The following EXD2 variants were observed in gnomAD, a reference collection of about 807,000 sequenced individuals.
EXD2 encodes exonuclease 3'-5' domain containing 2, also known as exonuclease 3'-5' domain-containing protein 2.
EXD2 carries 40 observed loss-of-function variants against 62.5 expected under a neutral mutation model. The observed-to-expected ratio is 0.64, with a 90% confidence interval of 0.50 to 0.83. The LOEUF is 0.83. Among genes scored for constraint, EXD2 ranks in the 40% least tolerant of loss-of-function variants. The pLI is 0.00. For missense variants in EXD2, 671 were observed against 761.8 expected (o/e 0.88, Z 1.40); for synonymous variants, 239 against 291.9 (o/e 0.82, Z 1.85).
In EXD2 at chr14:69,234,788, A is replaced by G; in HGVS notation, c.806A>G (p.Glu269Gly). The change falls in exon 6 of 10, where the codon GAA (glutamate) becomes GGA (glycine). Residue 269 changes from glutamate to glycine, a missense_variant. Physicochemically the swap from Glu to Gly is moderately conservative, Grantham distance 98. Transcript: ENST00000685843. ...GYPFSRNSPG[E>G]KNDDHSSWRK... ...CCTTTCTCTAGGAATTCACCTGGAG[A>G]AAAAAACGATGACCACAGTAGCTGG... 6.2e-7 allele frequency: 1 copy of G among 1,614,054 alleles called. No individual in the cohort carries two copies. The highest frequency in any genetic ancestry group is 1.1e-5 in the South Asian group (1 of 91,064).
At chr14:69,228,378 G>GA (rs2043440786) in intron 3 of EXD2, among the ~76,000 whole-genome samples, 1 of 152,042 alleles carries the variant, frequency 6.6e-6, no homozygotes. Flanking sequence ...TTTTGGTAGA[G>GA]ACGGGGTTTC....
chr14:69,192,849 A>G (rs1362717342), intron 1 of EXD2, among the ~76,000 whole-genome samples: 1 of 152,104 alleles, frequency 6.6e-6, no homozygotes, highest in Non-Finnish European at 1.5e-5. Context: ...TTCCATGGTT[A>G]TGTAAGATTC....
In EXD2 at chr14:69,242,946, G is replaced by C. The variant is rs1389257165; in HGVS notation, c.*1846G>C. 6.6e-6 allele frequency: 1 copy of C among 152,192 alleles called. No individual in the cohort carries two copies. The highest frequency in any genetic ancestry group is 1.5e-5 in the Non-Finnish European group (1 of 68,026). 9.4% of individuals were successfully genotyped at this position (152,192 alleles called of 1,614,324 possible). A position where few individuals can be genotyped will look rare whatever the true frequency, so the allele number is the denominator to read the frequency against. ...TCCTTTGAAACAAGGGAGTAGGGCT[G>C]TTTCATTTTCTTTCCTTCTAATCCT... On this transcript the variant is annotated 3_prime_UTR_variant, in exon 10 of 10. Coordinates refer to ENST00000685843, the MANE Select transcript of EXD2 (RefSeq NM_001193360.2).
At position 69,241,843 on chromosome 14, in the gene EXD2, C is replaced by T. The variant is rs1434165144; in HGVS notation, c.*743C>T. On this transcript the variant is annotated 3_prime_UTR_variant, in exon 10 of 10. Coordinates refer to ENST00000685843, the MANE Select transcript of EXD2 (RefSeq NM_001193360.2). Reference sequence around the variant, plus strand: ...TCCCAATAGAACTTTGAAATTCACTCAGCTTTTCCTTTCATGCTGTTTGTT... The same window carrying T: ...TCCCAATAGAACTTTGAAATTCACTTAGCTTTTCCTTTCATGCTGTTTGTT... 5.0e-6 allele frequency: 2 copies of T among 398,948 alleles called. No homozygotes were observed. The highest frequency in any genetic ancestry group is 3.6e-5 in the East Asian group (1 of 28,088). 24.7% of individuals were successfully genotyped at this position (398,948 alleles called of 1,614,324 possible).
chr14:69,199,192 C>T lies in EXD2; in HGVS notation c.-131-4725C>T, dbSNP rs139107807. On this transcript the variant is annotated intron_variant, in intron 1 of 9. Coordinates refer to ENST00000685843, the MANE Select transcript of EXD2 (RefSeq NM_001193360.2). ...TTGGGAGGCAGAGTTTGCAGTGAGC[C>T]GAGATCACGCCACTGCACACCAGCC... is the stretch of plus-strand genomic sequence containing the variant. Among the ~76,000 whole-genome samples, 1,030 of 152,262 alleles carry T rather than the reference C, an allele frequency of 6.8e-3. 12 individuals are homozygous for T. Among genetic ancestry groups the T allele is most frequent in the African/African-American group, 0.024 (984 of 41,542 alleles).
chr14:69,206,212 C>G (rs534877052), intron 2 of EXD2, among the ~76,000 whole-genome samples: 1 of 152,070 alleles, frequency 6.6e-6, no homozygotes, highest in African/African-American at 2.4e-5. Context: ...TGAGCCACTG[C>G]ACCCAGCTGA....
chr14:69,221,724 T>A lies in EXD2; in HGVS notation c.334-7092T>A, dbSNP rs554692048. On this transcript the variant is annotated intron_variant, in intron 3 of 9. Coordinates refer to ENST00000685843, the MANE Select transcript of EXD2 (RefSeq NM_001193360.2). ...TCAAGGCTGCAGTGAGCTATGATCA[T>A]GCCACTGCACTACAGCCTGGGCAGC... 1.4e-3 allele frequency among the ~76,000 whole-genome samples: 213 copies of A among 151,936 alleles called. 5 individuals are homozygous for A. The South Asian group carries it at 0.028, about 20-fold the overall frequency.
intron 1 of EXD2, among the ~76,000 whole-genome samples, chr14:69,198,731 A>G (rs1045965911): frequency 2.0e-5 from 3 of 152,238 alleles, no homozygotes; most frequent in Non-Finnish European, 2.9e-5. Flanking sequence ...GTTCTGTGAA[A>G]TGTGTCATTT....
At chr14:69,204,125 A>G (rs1241714355) in intron 2 of EXD2, 125 bp downstream of exon 2, 8 of 152,238 alleles carry the variant, frequency 5.3e-5, no homozygotes, top group African/African-American at 1.9e-4. Context: ...GATTTATTCC[A>G]AGAATATGAT....
intron 3 of EXD2, among the ~76,000 whole-genome samples, chr14:69,226,161 CT>C (rs1206863971): frequency 6.6e-6 from 1 of 152,120 alleles, no homozygotes; most frequent in Admixed American, 6.5e-5. Flanking sequence ...AGATTTATAG[CT>C]TTTTCTTGGA....
At chr14:69,238,058 G>C in intron 9 of EXD2, 127 bp downstream of exon 9, 1 of 762,824 alleles carries the variant, frequency 1.3e-6, no homozygotes, top group Non-Finnish European at 2.1e-6. Context: ...CACCTAGTAG[G>C]TGTCTAGTAG....
intron 3 of EXD2, chr14:69,210,319 A>C (rs958397373): frequency 6.5e-6 from 1 of 154,798 alleles, no homozygotes; most frequent in African/African-American, 2.4e-5. Context: ...TTAGGATTTT[A>C]AAAGATAACA....
intron 5 of EXD2, among the ~76,000 whole-genome samples, chr14:69,234,147 C>G (rs1291645868): frequency 2.0e-5 from 3 of 152,130 alleles, no homozygotes; most frequent in Non-Finnish European, 4.4e-5. Flanking sequence ...TAAGTAAATT[C>G]CAGGAATGGG....
Position 69,193,207 on chromosome 14 carries a change from C to T in EXD2, c.-132+1616C>T, listed in dbSNP as rs1044224480. Among the ~76,000 whole-genome samples, 8 of 151,986 alleles carry T rather than the reference C, an allele frequency of 5.3e-5. No individual in the cohort carries two copies. The East Asian group carries it at 5.8e-4, about 11-fold the overall frequency. The stretch of plus-strand genomic sequence containing the variant: ...CCGAGTAGCTGGTATTACAGGCACC[C>T]GCTACCACGCCTGGCTAATTTTTGT... On this transcript the variant is annotated intron_variant, in intron 1 of 9. Transcript: ENST00000685843.
chr14:69,193,693 A>C lies in EXD2; in HGVS notation c.-132+2102A>C, dbSNP rs763859856. 2.6e-5 allele frequency among the ~76,000 whole-genome samples: 4 copies of C among 152,184 alleles called. 1 individual carries two copies. Among genetic ancestry groups the C allele is most frequent in the Admixed American group, 1.3e-4 (2 of 15,270 alleles). Reference sequence around the variant, plus strand: ...AACTATATGGCATCTTTGTTGAAACAAAGTTTAAAATTTTAGGTTTTAATT... The same window carrying C: ...AACTATATGGCATCTTTGTTGAAACCAAGTTTAAAATTTTAGGTTTTAATT... On this transcript the variant is annotated intron_variant, in intron 1 of 9. Transcript: ENST00000685843.
intron 3 of EXD2, among the ~76,000 whole-genome samples, chr14:69,212,857 C>T (rs919054700): frequency 6.0e-5 from 9 of 150,792 alleles, no homozygotes; most frequent in South Asian, 2.1e-4. Flanking sequence ...TACAGGTGTG[C>T]GCCACCACAC....
chr14:69,230,713 TAG>T, intron 5 of EXD2, 115 bp downstream of exon 5: 1 of 1,214,844 alleles, frequency 8.2e-7, no homozygotes, highest in African/African-American at 1.5e-5. Flanking sequence ...TGCCTTAAAA[TAG>T]ATTCATTCTC....
chr14:69,237,503 G>A, intron 8 of EXD2, 72 bp from the exon 9 acceptor site: 1 of 1,417,260 alleles, frequency 7.1e-7, no homozygotes, highest in Non-Finnish European at 1.0e-6. Context: ...AACCCCAGTA[G>A]CCTGTCTGCT....
chr14:69,232,163 C>G (rs939753762), intron 5 of EXD2, among the ~76,000 whole-genome samples: 31 of 152,122 alleles, frequency 2.0e-4, no homozygotes, highest in African/African-American at 7.2e-4. Context: ...GGTCCAGATC[C>G]TCTGTGGTTT....
Sources: gnomAD v4.1 joint callset for allele counts (sites outside exome capture counted in the v4.1 genomes callset) on GRCh38, gnomAD v4.1.1 for gene constraint, MANE v1.5 for transcripts, NCBI Gene and HGNC (gene_info 2026-07-23, HGNC 2026-07-21) for gene names.